Variants in GALNT13 observed in about 807,000 individuals in gnomAD.
The protein encoded by GALNT13 is UDP-GalNAc:polypeptide N-acetylgalactosaminyltransferase 13.
In GALNT13, 28 loss-of-function variants were observed where a neutral mutation model predicts 64.2. The observed-to-expected ratio is 0.44, with a 90% CI of 0.32 to 0.60. GALNT13 has a LOEUF of 0.60. Ranked by LOEUF, GALNT13 falls within the 20% of genes least tolerant of loss-of-function variation. GALNT13 has a pLI of 0.05. For synonymous variants in GALNT13, 214 were observed against 224.6 expected, an observed-to-expected ratio of 0.95 and a Z score of 0.42; for missense variants, 577 against 669.8, an observed-to-expected ratio of 0.86 and a Z score of 1.53.
the GALNT13 span, among the ~76,000 whole-genome samples, chr2:153,472,949 G>A: frequency 1.3e-5 from 2 of 152,184 alleles, no homozygotes; most frequent in Non-Finnish European, 2.9e-5. Flanking sequence ...AAACCAAATA[G>A]CACATGTTCT....
At chr2:153,211,412 G>T in the GALNT13 span, among the ~76,000 whole-genome samples, 16 of 152,112 alleles carry the variant, frequency 1.1e-4, no homozygotes, top group African/African-American at 4.8e-5. Flanking sequence ...CAAAGTGCTA[G>T]GATTACAGGT....
the GALNT13 span, among the ~76,000 whole-genome samples, chr2:153,341,886 G>A: frequency 1.3e-5 from 2 of 152,144 alleles, no homozygotes; most frequent in African/African-American, 4.8e-5. Flanking sequence ...GCTGGGTGGG[G>A]TGGTGGGGAG....
chr2:153,826,599 C>T, the GALNT13 span, among the ~76,000 whole-genome samples: 9 of 152,202 alleles, frequency 5.9e-5, no homozygotes, highest in African/African-American at 2.2e-4. Context: ...TCTGGAGAAA[C>T]CCAAAGAAAG....
chr2:153,604,481 TG>T, the GALNT13 span, among the ~76,000 whole-genome samples: 1 of 152,084 alleles, frequency 6.6e-6, no homozygotes, highest in African/African-American at 2.4e-5. Flanking sequence ...CTCAGTTATT[TG>T]GCTTTTGACC....
chr2:153,868,252 C>T (rs1685798002), upstream of GALNT13, among the ~76,000 whole-genome samples: 1 of 152,114 alleles, frequency 6.6e-6, no homozygotes, highest in African/African-American at 2.4e-5. Flanking sequence ...TTTGTGCAGG[C>T]TGTCTTTACT....
At chr2:153,269,936 C>T in the GALNT13 span, among the ~76,000 whole-genome samples, 22 of 152,114 alleles carry the variant, frequency 1.4e-4, no homozygotes, top group Admixed American at 4.6e-4. Context: ...TCACCTATCA[C>T]GAAGTCACTC....
intron 4 of GALNT13, among the ~76,000 whole-genome samples, chr2:154,172,196 T>A (rs982769060): frequency 6.6e-6 from 1 of 152,032 alleles, no homozygotes; most frequent in African/African-American, 2.4e-5. Context: ...GCATAATAGA[T>A]GTACATAGTT....
intron 3 of GALNT13, among the ~76,000 whole-genome samples, chr2:153,948,681 AG>A (rs1205245159): frequency 3.9e-5 from 6 of 152,184 alleles, no homozygotes; most frequent in African/African-American, 1.4e-4. Flanking sequence ...GCCATAAAAA[AG>A]AATGAGATCA....
chr2:153,174,349 C>T, the GALNT13 span, among the ~76,000 whole-genome samples: 1 of 152,174 alleles, frequency 6.6e-6, no homozygotes, highest in Admixed American at 6.5e-5. Flanking sequence ...ACCCTTCAGT[C>T]CAGGATGGCA....
the GALNT13 span, among the ~76,000 whole-genome samples, chr2:153,823,415 C>A: frequency 6.6e-6 from 1 of 152,020 alleles, no homozygotes; most frequent in Non-Finnish European, 1.5e-5. Context: ...GGTACTGGTA[C>A]AAAACAGACG....
the GALNT13 span, among the ~76,000 whole-genome samples, chr2:153,627,800 G>A: frequency 1.3e-5 from 2 of 152,194 alleles, no homozygotes; most frequent in East Asian, 3.9e-4. Flanking sequence ...CTCCAGCTTT[G>A]TTCTTTTGGC....
chr2:153,080,042 C>T, the GALNT13 span, among the ~76,000 whole-genome samples: 186 of 152,178 alleles, frequency 1.2e-3, 1 homozygote, highest in Middle Eastern at 3.4e-3. Context: ...AATTTATTTG[C>T]AAAGAGTTGT....
chr2:153,105,920 T>A, the GALNT13 span, among the ~76,000 whole-genome samples: 3 of 146,880 alleles, frequency 2.0e-5, no homozygotes, highest in Non-Finnish European at 4.6e-5. Context: ...CTATGCTTTC[T>A]TTTTATTGAA....
the GALNT13 span, among the ~76,000 whole-genome samples, chr2:153,522,284 G>C: frequency 3.9e-5 from 6 of 151,976 alleles, no homozygotes; most frequent in African/African-American, 1.5e-4. Context: ...AGTGAGCCCA[G>C]ATCGCGCCAT....
the GALNT13 span, among the ~76,000 whole-genome samples, chr2:153,806,173 G>T: frequency 1.7e-4 from 26 of 151,990 alleles, no homozygotes; most frequent in Admixed American, 1.2e-3. Context: ...TCCAAGCTAA[G>T]TCTAAAACAT....
chr2:154,270,548 A>G (rs1691299451), intron 8 of GALNT13, among the ~76,000 whole-genome samples: 2 of 152,066 alleles, frequency 1.3e-5, no homozygotes, highest in East Asian at 3.9e-4. Flanking sequence ...AAATGATTCA[A>G]AACAAAGCAA....
chr2:154,133,537 TATATA>T (rs1558977089), intron 3 of GALNT13, among the ~76,000 whole-genome samples: 2 of 7,214 alleles, frequency 2.8e-4, no homozygotes, highest in Non-Finnish European at 7.8e-4. Context: ...GACCATTTTA[TATATA>T]TATATATATA....
At chr2:154,088,937 T>G (rs1395218051) in intron 3 of GALNT13, among the ~76,000 whole-genome samples, 1 of 152,092 alleles carries the variant, frequency 6.6e-6, no homozygotes, top group Non-Finnish European at 1.5e-5. Context: ...TTGCAGATAG[T>G]TTTAGGGACC....
chr2:154,036,414 C>A (rs1698662807), intron 3 of GALNT13, among the ~76,000 whole-genome samples: 1 of 152,054 alleles, frequency 6.6e-6, no homozygotes, highest in African/African-American at 2.4e-5. Flanking sequence ...ACAAAAGCTT[C>A]TGAGAGGATA....
Sources: allele counts gnomAD v4.1 joint callset (sites outside exome capture counted in the v4.1 genomes callset), GRCh38; gene constraint gnomAD v4.1.1; transcripts MANE v1.5; gene names NCBI Gene and HGNC (gene_info 2026-07-23, HGNC 2026-07-21).